Variants in IL12RB1 observed in about 807,000 individuals in gnomAD.
IL12RB1 encodes interleukin 12 receptor subunit beta 1, also known as interleukin-12 receptor subunit beta-1.
IL12RB1 carries 64 observed loss-of-function variants against 94.4 expected under a neutral mutation model. The observed-to-expected ratio is 0.68, with a 90% confidence interval of 0.55 to 0.83. IL12RB1 has a LOEUF of 0.83. Ranked by LOEUF, IL12RB1 falls within the 40% of genes least tolerant of loss-of-function variation. IL12RB1 has a pLI of 0.00. For synonymous variants in IL12RB1, 362 were observed against 355.5 expected, an observed-to-expected ratio of 1.02 and a Z score of -0.21; for missense variants, 814 against 855.6, an observed-to-expected ratio of 0.95 and a Z score of 0.61.
At position 18,059,359 on chromosome 19, in the gene IL12RB1, A is replaced by G. The variant is rs1046161768; in HGVS notation, c.*249T>C. 41 of 592,220 alleles carry G rather than the reference A, an allele frequency of 6.9e-5. No homozygotes were observed. The highest frequency in any genetic ancestry group is 4.6e-4 in the Middle Eastern group (1 of 2,172). 36.7% of individuals were successfully genotyped at this position (592,220 alleles called of 1,614,324 possible). ...CTTGCCCCCATTCCCAGTCCATTCT[A>G]CGCCAGAACAGGTAAATGGCAGGGT... On this transcript the variant is annotated 3_prime_UTR_variant, in exon 17 of 17. Transcript: ENST00000593993.
intron 6 of IL12RB1, 123 bp from the exon 7 acceptor site, chr19:18,075,991 G>C (rs2146314248): frequency 2.1e-6 from 2 of 961,802 alleles, no homozygotes; most frequent in Non-Finnish European, 1.7e-6. Context: ...GGTCCTGGGG[G>C]CTCAGCAGAA....
At chr19:18,083,134 G>GT (rs2036031722) in intron 2 of IL12RB1, 1 of 551,678 alleles carries the variant, frequency 1.8e-6, no homozygotes, top group African/African-American at 1.9e-5. Flanking sequence ...GTTGGGGGGG[G>GT]GGCTTCAAAA....
chr19:18,069,674 G>T lies in IL12RB1; in HGVS notation c.1061C>A (p.Thr354Asn). 2 of 1,612,862 alleles carry T rather than the reference G, an allele frequency of 1.2e-6. No individual in the cohort carries two copies. The highest frequency in any genetic ancestry group is 1.7e-6 in the Non-Finnish European group (2 of 1,179,198). The part of the protein sequence containing the change: ...ALNISVGTNG[T>N]TMYWPARAQS... Reference sequence around the variant, plus strand: ...AGCCCGGGCTGGCCAATACATGGTGGTCCCGTTGGTTCCGACGCTGATATT... The same window carrying T: ...AGCCCGGGCTGGCCAATACATGGTGTTCCCGTTGGTTCCGACGCTGATATT... Residue 354 changes from threonine to asparagine, a missense_variant, in exon 10 of 17, where the codon ACC (threonine) becomes AAC (asparagine). By Grantham distance (65) the Thr-to-Asn change is moderately conservative. Coordinates refer to ENST00000593993, the MANE Select transcript of IL12RB1 (RefSeq NM_005535.3).
At chr19:18,082,061 T>A in intron 3 of IL12RB1, 89 bp downstream of exon 3, 3 of 779,792 alleles carry the variant, frequency 3.8e-6, no homozygotes, top group Admixed American at 2.0e-5. Flanking sequence ...CCAGCCAAGA[T>A]CACGCATCCG....
At chr19:18,063,250 C>T (rs1480204097) in intron 13 of IL12RB1, among the ~76,000 whole-genome samples, 1 of 151,590 alleles carries the variant, frequency 6.6e-6, no homozygotes, top group African/African-American at 2.4e-5. Flanking sequence ...TGTGCACCAC[C>T]ACACCCCACT....
At chr19:18,083,330 G>T in intron 2 of IL12RB1, 102 bp downstream of exon 2, 1 of 1,080,996 alleles carries the variant, frequency 9.3e-7, no homozygotes, top group Non-Finnish European at 1.4e-6. Context: ...GGCAGGGCTG[G>T]GTCTTTGGCC....
chr19:18,074,666 T>C (rs1599513300), intron 7 of IL12RB1, among the ~76,000 whole-genome samples: 1 of 152,204 alleles, frequency 6.6e-6, no homozygotes, highest in African/African-American at 2.4e-5. Flanking sequence ...GAGAATCGCT[T>C]GAACCCGTGA....
At chr19:18,087,015 G>T, upstream of IL12RB1, 1 of 1,247,352 alleles carries the variant, frequency 8.0e-7, no homozygotes, top group Non-Finnish European at 1.1e-6. Flanking sequence ...AACCCAGGAA[G>T]TCAGCTCCGT....
At chr19:18,072,724 G>A (rs892993034) in intron 8 of IL12RB1, among the ~76,000 whole-genome samples, 2 of 152,072 alleles carry the variant, frequency 1.3e-5, no homozygotes, top group African/African-American at 4.8e-5. Context: ...GAGACGGGTA[G>A]ATCATGAGGT....
At chr19:18,067,103 C>T (rs2034638305) in intron 11 of IL12RB1, among the ~76,000 whole-genome samples, 2 of 150,726 alleles carry the variant, frequency 1.3e-5, no homozygotes, top group South Asian at 4.2e-4. Flanking sequence ...GTGGGTAGAT[C>T]ACTTAAGGTC....
chr19:18,090,115 C>T (rs1188459551), upstream of IL12RB1, among the ~76,000 whole-genome samples: 25 of 152,124 alleles, frequency 1.6e-4, no homozygotes, highest in Admixed American at 1.6e-3. Flanking sequence ...TAATCCAGCA[C>T]TTTGTGAGGC....
chr19:18,083,718 A>G (rs190478871), intron 1 of IL12RB1, among the ~76,000 whole-genome samples: 516 of 143,290 alleles, frequency 3.6e-3, no homozygotes, highest in African/African-American at 0.012. Context: ...CTACCCATCC[A>G]TCCACCCATG....
intron 1 of IL12RB1, among the ~76,000 whole-genome samples, chr19:18,085,268 G>C (rs536356018): frequency 1.3e-5 from 2 of 152,074 alleles, no homozygotes; most frequent in South Asian, 2.1e-4. Context: ...CAACCTTGAG[G>C]GGGGAAAGAT....
At chr19:18,081,827 G>GA (rs1285359406) in intron 3 of IL12RB1, among the ~76,000 whole-genome samples, 1 of 146,704 alleles carries the variant, frequency 6.8e-6, no homozygotes, top group African/African-American at 2.5e-5. Flanking sequence ...CTCAAAAAAA[G>GA]AAAAAAAGAA....
chr19:18,077,389 C>T (rs1302703897), intron 5 of IL12RB1, 127 bp downstream of exon 5: 1 of 738,154 alleles, frequency 1.4e-6, no homozygotes, highest in Admixed American at 2.4e-5. Context: ...AAGAAAAAAA[C>T]CACCTCAGGG....
rs760387303 is a variant in IL12RB1, at chr19:18,059,555, G to A, written c.*53C>T. 1.0e-5 allele frequency: 8 copies of A among 777,006 alleles called. No individual in the cohort carries two copies. In the South Asian group the frequency reaches 1.1e-4, roughly 11 times the overall value. The allele number at this position is 777,006 out of a possible 1,614,324, so 48.1% of individuals were successfully genotyped here. On this transcript the variant is annotated 3_prime_UTR_variant, in exon 17 of 17. Transcript: ENST00000593993. ...TTATTTGGGTCCAAATGTGACTCCTGTGTGTGCTACGTAGCCTCGGGCGAG... is the reference window on the plus strand; with the variant it reads ...TTATTTGGGTCCAAATGTGACTCCTATGTGTGCTACGTAGCCTCGGGCGAG...
intron 5 of IL12RB1, 45 bp from the exon 6 acceptor site, chr19:18,076,372 GA>G: frequency 1.0e-6 from 1 of 985,228 alleles, no homozygotes; most frequent in Non-Finnish European, 1.6e-6. Context: ...TTTTGGTGCT[GA>G]AAAATATTTG....
rs762298729 is a variant in IL12RB1, at chr19:18,066,599, C to T, written c.1426G>A (p.Gly476Ser). The change falls in exon 12 of 17, where the codon GGC becomes AGC. Residue 476 changes from glycine to serine, a missense_variant. Transcript: ENST00000593993. ...CGGACAACATACTCCTTTAGGACGC[C>T]GGGACAGGTGCTCAGCAGGGATGGT... Reference protein sequence around the residue: ...WAPSLLSTCPGVLKEYVVRCR... With the variant: ...WAPSLLSTCPSVLKEYVVRCR... 6 of 1,613,360 alleles carry T rather than the reference C, an allele frequency of 3.7e-6. No individual in the cohort carries two copies. The highest frequency in any genetic ancestry group is 3.3e-5 in the Admixed American group (2 of 59,952).
intron 4 of IL12RB1, among the ~76,000 whole-genome samples, chr19:18,078,393 C>A (rs1599534518): frequency 6.6e-6 from 1 of 151,758 alleles, no homozygotes; most frequent in Non-Finnish European, 1.5e-5. Context: ...GGTGACAGAG[C>A]AAGACTCTGT....
Sources: allele counts gnomAD v4.1 joint callset (sites outside exome capture counted in the v4.1 genomes callset), GRCh38; gene constraint gnomAD v4.1.1; transcripts MANE v1.5; gene names NCBI Gene and HGNC (gene_info 2026-07-23, HGNC 2026-07-21).